The following MYOM1 variants were observed in gnomAD, a reference collection of about 807,000 sequenced individuals.
MYOM1 encodes the protein myomesin 1, also known as myomesin-1.
Under a neutral mutation model 205.3 loss-of-function variants are expected in MYOM1, and 164 were observed. The ratio of observed to expected loss-of-function variants is 0.80; its 90% CI spans 0.70 to 0.91. MYOM1 has a LOEUF of 0.91. MYOM1 is among the 40% of genes least tolerant of loss of function. MYOM1 has a pLI of 0.00. For synonymous variants in MYOM1, 772 were observed against 789.4 expected (o/e 0.98, Z 0.37); for missense variants, 2,011 against 2,127.3 (o/e 0.95, Z 1.08).
At chr18:3,075,145 G>A (rs2079007487) in intron 36 of MYOM1, among the ~76,000 whole-genome samples, 1 of 152,054 alleles carries the variant, frequency 6.6e-6, no homozygotes. Flanking sequence ...ATATTTTTAT[G>A]AAACACTGTA....
At chr18:3,159,084 G>T (rs573509521) in intron 10 of MYOM1, among the ~76,000 whole-genome samples, 1 of 152,052 alleles carries the variant, frequency 6.6e-6, no homozygotes, top group South Asian at 2.1e-4. Flanking sequence ...GAAAAAAAAA[G>T]AAAAGAGAAA....
At chr18:3,143,246 G>GA (rs948837786) in intron 13 of MYOM1, among the ~76,000 whole-genome samples, 15 of 151,928 alleles carry the variant, frequency 9.9e-5, no homozygotes, top group South Asian at 4.1e-4. Context: ...AGTACTGAGA[G>GA]AAAAAACTGT....
chr18:3,230,153 A>G, the MYOM1 span, among the ~76,000 whole-genome samples: 42 of 152,320 alleles, frequency 2.8e-4, no homozygotes, highest in African/African-American at 9.6e-4. Context: ...ATGTGATAAT[A>G]AAATAGCTAC....
chr18:3,232,082 C>A, the MYOM1 span, among the ~76,000 whole-genome samples: 305 of 151,846 alleles, frequency 2.0e-3, no homozygotes, highest in Non-Finnish European at 3.5e-3. Context: ...GTAATCCCAG[C>A]ACTTTGGGAG....
At chr18:3,176,290 C>T (rs573983667) in intron 5 of MYOM1, among the ~76,000 whole-genome samples, 156 bp from the exon 6 acceptor site, 3 of 152,256 alleles carry the variant, frequency 2.0e-5, no homozygotes, top group Admixed American at 6.5e-5. Flanking sequence ...TATTGGCTTA[C>T]GTGAAGTGCA....
the MYOM1 span, among the ~76,000 whole-genome samples, chr18:3,232,359 A>T: frequency 6.6e-6 from 1 of 152,094 alleles, no homozygotes; most frequent in African/African-American, 2.4e-5. Flanking sequence ...ACCATCCGTC[A>T]TATAATCAAT....
intron 22 of MYOM1, among the ~76,000 whole-genome samples, chr18:3,106,734 G>C (rs2079456744): frequency 6.6e-6 from 1 of 152,128 alleles, no homozygotes; most frequent in African/African-American, 2.4e-5. Context: ...GAGGTAGGAG[G>C]ATCACTTGAG....
Position 3,168,948 on chromosome 18 carries a change from A to G in MYOM1, c.1208T>C (p.Phe403Ser), listed in dbSNP as rs1296845242. 4 of 1,613,440 alleles carry G rather than the reference A, an allele frequency of 2.5e-6. No homozygotes were observed. Among genetic ancestry groups the G allele is most frequent in the Non-Finnish European group, 3.4e-6 (4 of 1,179,716 alleles). ...GVTPYGYASR[F>S]EIHFDDKFDV... ...AAATTTGTCATCAAAGTGGATCTCA[A>G]ACCGGGATGCATAACCATATGGGGT... is the stretch of plus-strand genomic sequence containing the variant. Residue 403 changes from phenylalanine to serine, a missense_variant, in exon 9 of 38, where the codon TTT becomes TCT. Transcript: ENST00000356443.
chr18:3,156,898 C>T (rs969271175), intron 10 of MYOM1, among the ~76,000 whole-genome samples: 1 of 152,158 alleles, frequency 6.6e-6, no homozygotes, highest in South Asian at 2.1e-4. Context: ...CGTGAGCCAC[C>T]GCGCCCGGCG....
chr18:3,149,336 A>T, intron 12 of MYOM1, 135 bp from the exon 13 acceptor site: 1 of 660,720 alleles, frequency 1.5e-6, no homozygotes, highest in Non-Finnish European at 2.6e-6. Context: ...TTTCCCATGA[A>T]TGGTATCAAT....
chr18:3,102,726 G>A, intron 22 of MYOM1, 96 bp from the exon 23 acceptor site: 7 of 1,300,410 alleles, frequency 5.4e-6, no homozygotes, highest in East Asian at 2.3e-5. Context: ...CCCTAAAGTA[G>A]GGCCCTGATC....
chr18:3,106,366 T>C (rs1208996491), intron 22 of MYOM1, among the ~76,000 whole-genome samples: 2 of 152,216 alleles, frequency 1.3e-5, no homozygotes, highest in Non-Finnish European at 2.9e-5. Flanking sequence ...AAATAAAAGA[T>C]GTTATTTTTA....
At chr18:3,070,305 T>C (rs1334956317) in intron 37 of MYOM1, among the ~76,000 whole-genome samples, 1 of 151,842 alleles carries the variant, frequency 6.6e-6, no homozygotes, top group Non-Finnish European at 1.5e-5. Context: ...TGCACCACCA[T>C]ACCCAGCTGA....
chr18:3,231,132 G>A, the MYOM1 span, among the ~76,000 whole-genome samples: 1 of 152,186 alleles, frequency 6.6e-6, no homozygotes, highest in African/African-American at 2.4e-5. Context: ...CCCAGGTGAT[G>A]GGTCATTTCT....
intron 19 of MYOM1, among the ~76,000 whole-genome samples, chr18:3,120,498 T>A (rs1262929796): frequency 6.6e-6 from 1 of 152,170 alleles, no homozygotes; most frequent in Admixed American, 6.5e-5. Flanking sequence ...AACTGAATTC[T>A]GCCAACAACC....
At chr18:3,226,668 A>C in the MYOM1 span, among the ~76,000 whole-genome samples, 1 of 152,078 alleles carries the variant, frequency 6.6e-6, no homozygotes, top group African/African-American at 2.4e-5. The surrounding 1 kb of genome is among the most constrained non-coding windows in gnomAD (Gnocchi z 4.6). Flanking sequence ...TGTGGTATTT[A>C]CGTGTTTACT....
At chr18:3,143,057 C>T (rs764841859) in intron 13 of MYOM1, among the ~76,000 whole-genome samples, 7 of 151,930 alleles carry the variant, frequency 4.6e-5, no homozygotes, top group Non-Finnish European at 1.0e-4. Context: ...CCTATAAGCA[C>T]AAGATATATG....
intron 28 of MYOM1, 131 bp downstream of exon 28, chr18:3,089,406 T>A (rs2079193670): frequency 1.3e-6 from 1 of 782,174 alleles, no homozygotes; most frequent in Non-Finnish European, 2.0e-6. Flanking sequence ...TAAATATTTT[T>A]AATTATTTTA....
At chr18:3,160,940 G>A (rs182848649) in intron 10 of MYOM1, among the ~76,000 whole-genome samples, 1 of 152,310 alleles carries the variant, frequency 6.6e-6, no homozygotes, top group African/African-American at 2.4e-5. Flanking sequence ...ACCCTAGACT[G>A]GGTCAGGGTT....
Sources: allele counts gnomAD v4.1 joint callset (sites outside exome capture counted in the v4.1 genomes callset), GRCh38; gene constraint gnomAD v4.1.1; non-coding constraint Gnocchi (gnomAD v3.1); transcripts MANE v1.5; gene names NCBI Gene and HGNC (gene_info 2026-07-23, HGNC 2026-07-21).